The following ALDH2 variants were observed in gnomAD, a reference collection of about 807,000 sequenced individuals.
ALDH2 encodes aldehyde dehydrogenase 2 family member.
In ALDH2, 44 loss-of-function variants were observed where a neutral mutation model predicts 59.6. The observed-to-expected ratio is 0.74, with a 90% CI of 0.58 to 0.95. The LOEUF is 0.95. ALDH2 is among the 40% of genes least tolerant of loss of function. ALDH2 has a pLI of 0.00. For synonymous variants in ALDH2, 291 were observed against 284.0 expected (o/e 1.02, Z -0.25); for missense variants, 570 against 696.3 (o/e 0.82, Z 2.04).
chr12:111,789,021 T>TC (rs1566187575), intron 4 of ALDH2, among the ~76,000 whole-genome samples: 2 of 145,910 alleles, frequency 1.4e-5, no homozygotes, highest in East Asian at 4.0e-4. Context: ...TCTTTTCTTT[T>TC]TTTTTTTTTT....
chr12:111,802,781 G>GA (rs1398862185), intron 11 of ALDH2, among the ~76,000 whole-genome samples: 2 of 150,274 alleles, frequency 1.3e-5, no homozygotes, highest in African/African-American at 4.9e-5. Context: ...TCGGGAGGCT[G>GA]AGGCAGGAGA....
At chr12:111,768,612 G>C (rs2068176060) in intron 1 of ALDH2, among the ~76,000 whole-genome samples, 1 of 152,234 alleles carries the variant, frequency 6.6e-6, no homozygotes, top group Admixed American at 6.5e-5. Flanking sequence ...GCCGAGGTGG[G>C]ATGATCCGTT....
At chr12:111,806,288 G>T (rs2068493815) in intron 12 of ALDH2, among the ~76,000 whole-genome samples, 1 of 151,286 alleles carries the variant, frequency 6.6e-6, no homozygotes, top group Non-Finnish European at 1.5e-5. Flanking sequence ...CTGCACTCCA[G>T]CCTGGGCGAC....
At chr12:111,802,727 A>C (rs2068463125) in intron 11 of ALDH2, among the ~76,000 whole-genome samples, 1 of 146,746 alleles carries the variant, frequency 6.8e-6, no homozygotes, top group Non-Finnish European at 1.5e-5. Context: ...AAAAATACAA[A>C]AATTTAGCCG....
chr12:111,782,894 C>CA (rs917238515), intron 2 of ALDH2, among the ~76,000 whole-genome samples: 11 of 146,752 alleles, frequency 7.5e-5, no homozygotes, highest in East Asian at 1.9e-4. Flanking sequence ...AAAAAAAAAA[C>CA]AAAAAAAAAG....
At chr12:111,794,264 C>G (rs1285108002) in intron 9 of ALDH2, among the ~76,000 whole-genome samples, 1 of 152,098 alleles carries the variant, frequency 6.6e-6, no homozygotes, top group African/African-American at 2.4e-5. Flanking sequence ...GTGATCCACC[C>G]ACCTCAGCCT....
intron 1 of ALDH2, among the ~76,000 whole-genome samples, chr12:111,781,452 C>T (rs1281091365): frequency 6.6e-6 from 1 of 152,174 alleles, no homozygotes; most frequent in Non-Finnish European, 1.5e-5. Context: ...CCCAAGCAGC[C>T]ATGTGGTGCC....
At chr12:111,806,303 C>T (rs1354894616) in intron 12 of ALDH2, among the ~76,000 whole-genome samples, 2 of 148,782 alleles carry the variant, frequency 1.3e-5, no homozygotes, top group East Asian at 2.0e-4. Flanking sequence ...GGCGACAGAG[C>T]GAGACTCCGT....
Position 111,800,014 on chromosome 12 carries a change from T to C in ALDH2, c.1357T>C (p.Leu453=), listed in dbSNP as rs760416164. The change falls in exon 11 of 13, where the codon TTG becomes CTG. Residue 453 remains leucine, a synonymous_variant. Transcript: ENST00000261733. ...GLAAAVFTKD[L]DKANYLSQAL... is the part of the protein sequence containing the mutation. ...GGCCGCAGCTGTCTTCACAAAGGAT[T>C]TGGACAAGGCCAATTACCTGTCCCA... The C allele has an allele frequency of 1.2e-6, 2 of 1,613,852 alleles. No individual in the cohort carries two copies. Among genetic ancestry groups the C allele is most frequent in the Non-Finnish European group, 1.7e-6 (2 of 1,179,974 alleles).
chr12:111,783,145 C>T lies in ALDH2; in HGVS notation c.220-13C>T. 1 of 1,603,202 alleles carries T rather than the reference C, an allele frequency of 6.2e-7. No homozygotes were observed. Among genetic ancestry groups the T allele is most frequent in the African/African-American group, 1.3e-5 (1 of 74,824 alleles). On this transcript the variant is annotated splice_polypyrimidine_tract_variant and intron_variant, in intron 2 of 12. Transcript: ENST00000261733. ...GTTTTCCAGGAAGGCTTGAGTTTTC[C>T]TGTGTTTTCTAGGAAGATGTGGACA... is the stretch of plus-strand genomic sequence containing the variant.
At chr12:111,770,021 G>A (rs1303135346) in intron 1 of ALDH2, among the ~76,000 whole-genome samples, 1 of 152,046 alleles carries the variant, frequency 6.6e-6, no homozygotes, top group Non-Finnish European at 1.5e-5. Flanking sequence ...GCGCGCACCT[G>A]TAATCCCAGC....
chr12:111,788,878 G>T (rs1244127255), intron 4 of ALDH2, among the ~76,000 whole-genome samples: 1 of 152,112 alleles, frequency 6.6e-6, no homozygotes, highest in East Asian at 1.9e-4. Flanking sequence ...GGTGACATGT[G>T]CCTGTAGTCT....
chr12:111,767,276 C>T, intron 1 of ALDH2, among the ~76,000 whole-genome samples, 180 bp downstream of exon 1: 1 of 152,180 alleles, frequency 6.6e-6, no homozygotes, highest in South Asian at 2.1e-4. Flanking sequence ...GCCCCTTCGC[C>T]GCCTCTGACA....
In ALDH2 at chr12:111,814,020, T is replaced by G. The variant is rs2136033081; in HGVS notation, c.*4445T>G. The G allele has an allele frequency of 6.6e-6, 1 of 152,208 alleles. No individual in the cohort carries two copies. The highest frequency in any genetic ancestry group is 1.9e-4 in the East Asian group (1 of 5,170). 9.4% of individuals were successfully genotyped at this position (152,208 alleles called of 1,614,324 possible). A position where few individuals can be genotyped will look rare whatever the true frequency, so the allele number is the denominator to read the frequency against. On this transcript the variant is annotated 3_prime_UTR_variant, in exon 13 of 13. Transcript: ENST00000261733. ...GCCGAGGTGGGCGGATCACATGAGG[T>G]CAAGAGTTCGAGACTAGCCTGGCCA...
At chr12:111,800,182 C>G in intron 11 of ALDH2, 119 bp downstream of exon 11, 2 of 1,285,826 alleles carry the variant, frequency 1.6e-6, no homozygotes, top group Non-Finnish European at 2.1e-6. Context: ...TCTCCTGGGT[C>G]AGGGTGTGAT....
intron 9 of ALDH2, among the ~76,000 whole-genome samples, chr12:111,793,733 G>A (rs532695408): frequency 4.0e-5 from 6 of 149,964 alleles, no homozygotes; most frequent in African/African-American, 1.2e-4. Context: ...CTACAGGTGC[G>A]CACCACCACG....
chr12:111,796,286 C>T (rs998201471), intron 9 of ALDH2, among the ~76,000 whole-genome samples: 6 of 151,902 alleles, frequency 3.9e-5, no homozygotes, highest in Admixed American at 3.3e-4. Context: ...CGTGCCACCG[C>T]ACTCCAGCCT....
Position 111,813,203 on chromosome 12 carries a change from A to G in ALDH2, c.*3628A>G, listed in dbSNP as rs1185704439. 6.6e-6 allele frequency: 1 copy of G among 152,168 alleles called. No individual in the cohort carries two copies. The allele number at this position is 152,168 out of a possible 1,614,324, so 9.4% of individuals were successfully genotyped here. ...TATTCGGATGTGGGTCAGTCACAGG[A>G]GTATTAGGTGTAAAGCCGCTGCTTC... On this transcript the variant is annotated 3_prime_UTR_variant, in exon 13 of 13. Transcript: ENST00000261733.
chr12:111,790,366 A>G (rs2068348275), intron 5 of ALDH2, 68 bp from the exon 6 acceptor site: 7 of 1,603,286 alleles, frequency 4.4e-6, no homozygotes, highest in Non-Finnish European at 6.0e-6. Context: ...TGGGGTTGCC[A>G]CCTTCTGCTA....
Sources: allele counts gnomAD v4.1 joint callset (sites outside exome capture counted in the v4.1 genomes callset), GRCh38; gene constraint gnomAD v4.1.1; transcripts MANE v1.5; gene names NCBI Gene and HGNC (gene_info 2026-07-23, HGNC 2026-07-21).